The following RESF1 variants were observed in gnomAD, a reference collection of about 807,000 sequenced individuals.
The protein encoded by RESF1 is gonad expressed transcript.
In RESF1, 65 loss-of-function variants were observed where a neutral mutation model predicts 134.7. The ratio of observed to expected loss-of-function variants is 0.48; its 90% CI spans 0.40 to 0.59. The LOEUF (loss-of-function observed/expected upper bound fraction) is 0.59. Ranked by LOEUF, RESF1 falls within the 20% of genes least tolerant of loss-of-function variation. RESF1 has a pLI of 0.00. For synonymous variants in RESF1, 762 were observed against 702.2 expected (o/e 1.09, Z -1.35); for missense variants, 2,274 against 2,002.7 (o/e 1.14, Z -2.59).
At chr12:31,988,239 T>C (rs11051719) in intron 5 of RESF1, among the ~76,000 whole-genome samples, 25,837 of 152,142 alleles carry the variant, frequency 0.17, 2,427 homozygotes, top group Middle Eastern at 0.26. Context: ...GTCCCCTCTT[T>C]TCAAAGTCCA....
chr12:31,987,610 T>G (rs1375560910), intron 5 of RESF1, among the ~76,000 whole-genome samples: 2 of 152,148 alleles, frequency 1.3e-5, no homozygotes, highest in Admixed American at 6.6e-5. Context: ...GCAAATACTT[T>G]AGGTTTTCTG....
At position 31,980,021 on chromosome 12, in the gene RESF1, G is replaced by A. The variant is rs981236179; in HGVS notation, c.-78-857G>A. Among the ~76,000 whole-genome samples, 10 of 151,708 alleles carry A rather than the reference G, an allele frequency of 6.6e-5. 3 individuals carry two copies. Among genetic ancestry groups the A allele is most frequent in the East Asian group, 1.9e-4 (1 of 5,164 alleles). ...CACTTTAAGTCACCTTAGTAGCATA[G>A]ACTCAGGTATGTGCATACAGAGTTC... On this transcript the variant is annotated intron_variant, in intron 3 of 5. Transcript: ENST00000312561.
chr12:31,971,017 T>C (rs766071713), intron 3 of RESF1, among the ~76,000 whole-genome samples: 9 of 152,240 alleles, frequency 5.9e-5, no homozygotes. Flanking sequence ...ACCTTCGTTT[T>C]AGACAACAGT....
At chr12:31,979,124 GTTA>G (rs1185379603) in intron 3 of RESF1, among the ~76,000 whole-genome samples, 2 of 151,972 alleles carry the variant, frequency 1.3e-5, no homozygotes, top group Non-Finnish European at 1.5e-5. Flanking sequence ...GTTTCACTGT[GTTA>G]GCCAGGATGG....
At position 31,985,369 on chromosome 12, in the gene RESF1, G is replaced by A. The variant is rs764771344; in HGVS notation, c.4414G>A (p.Val1472Met). 131 of 1,606,632 alleles carry A rather than the reference G, an allele frequency of 8.2e-5. No homozygotes were observed. The highest frequency in any genetic ancestry group is 1.0e-4 in the Non-Finnish European group (122 of 1,178,334). ...ATCGAAGAAAATCTGTGTGAAAAAC[G>A]TGCCATGTGATTCTGAACATATGAG... ...KASKKICVKN[V>M]PCDSEHMRPS... is the part of the protein sequence containing the mutation. The change falls in exon 4 of 6, where the codon GTG becomes ATG. Residue 1472 changes from valine (V) to methionine (M), a missense_variant. Transcript: ENST00000312561.
chr12:31,987,610 T>C (rs1375560910), intron 5 of RESF1, among the ~76,000 whole-genome samples: 1 of 152,148 alleles, frequency 6.6e-6, no homozygotes. Context: ...GCAAATACTT[T>C]AGGTTTTCTG....
chr12:31,963,357 A>G (rs951280606), intron 2 of RESF1, among the ~76,000 whole-genome samples: 1 of 151,996 alleles, frequency 6.6e-6, no homozygotes, highest in African/African-American at 2.4e-5. Flanking sequence ...AAAAAAAAAA[A>G]AGTTCATGGA....
At position 31,987,248 on chromosome 12, in the gene RESF1, T is replaced by TA; in HGVS notation, c.5017dup (p.Ser1673LysfsTer25). On this transcript the variant is annotated frameshift_variant, in exon 5 of 6. Transcript: ENST00000312561. LOFTEE classifies it high-confidence loss of function. Reference sequence around the variant, plus strand: ...ATGAATATTTAAATAGTTTCAGGAATAAAAAGTACAAAAGAAGACTGGTTA... The same window carrying TA: ...ATGAATATTTAAATAGTTTCAGGAATAAAAAAGTACAAAAGAAGACTGGTTA... 6.4e-7 allele frequency: 1 copy of TA among 1,560,816 alleles called. No individual in the cohort carries two copies. Among genetic ancestry groups the TA allele is most frequent in the Non-Finnish European group, 8.8e-7 (1 of 1,133,100 alleles).
At chr12:31,970,661 A>G (rs1939486266) in intron 3 of RESF1, among the ~76,000 whole-genome samples, 1 of 152,248 alleles carries the variant, frequency 6.6e-6, no homozygotes. Flanking sequence ...AGAATCTTAC[A>G]CATTCCTCAA....
chr12:31,986,463 G>C (rs1939973498), intron 4 of RESF1, among the ~76,000 whole-genome samples: 1 of 152,188 alleles, frequency 6.6e-6, no homozygotes, highest in Non-Finnish European at 1.5e-5. Flanking sequence ...TGAAACAGTT[G>C]ATGGCTGTGT....
chr12:31,976,038 C>T (rs1301014246), intron 3 of RESF1, among the ~76,000 whole-genome samples: 2 of 152,154 alleles, frequency 1.3e-5, no homozygotes, highest in African/African-American at 4.8e-5. Context: ...ATGATATACT[C>T]CTATCACCAT....
intron 3 of RESF1, among the ~76,000 whole-genome samples, chr12:31,973,689 AC>A (rs111953859): frequency 1.3e-5 from 2 of 151,272 alleles, no homozygotes; most frequent in African/African-American, 4.9e-5. Context: ...AAAAAAAAAA[AC>A]CAAATTAACA....
At chr12:31,960,118 C>G (rs889977565) in intron 1 of RESF1, among the ~76,000 whole-genome samples, 2 of 152,102 alleles carry the variant, frequency 1.3e-5, no homozygotes, top group African/African-American at 4.8e-5. Flanking sequence ...AGCAATAGTT[C>G]CTTGAGGCAT....
rs1939893658 is a variant in RESF1 at position 31,984,212 on chromosome 12, A to G, written c.3257A>G (p.Glu1086Gly). Residue 1086 changes from glutamate (E) to glycine (G), a missense_variant, in exon 4 of 6, where the codon GAA becomes GGA. Coordinates refer to ENST00000312561, the MANE Select transcript of RESF1 (RefSeq NM_018169.4). ...CAGCAAACTACATACCAGACCTCAG[A>G]AGATCAAACTGCTGATAAAACCAGT... Reference protein sequence around the residue: ...VGQQTTYQTSEDQTADKTSSD... With the variant: ...VGQQTTYQTSGDQTADKTSSD... 8 of 1,613,918 alleles carry G rather than the reference A, an allele frequency of 5.0e-6. No individual in the cohort carries two copies. Among genetic ancestry groups the G allele is most frequent in the Admixed American group, 1.7e-5 (1 of 59,970 alleles).
chr12:31,969,097 C>T (rs951259650), intron 2 of RESF1, among the ~76,000 whole-genome samples: 17 of 152,170 alleles, frequency 1.1e-4, no homozygotes, highest in African/African-American at 3.1e-4. Flanking sequence ...TGTACCACCA[C>T]GCCTAGCTAG....
At chr12:31,970,892 C>G (rs897761737) in intron 3 of RESF1, among the ~76,000 whole-genome samples, 4 of 151,910 alleles carry the variant, frequency 2.6e-5, no homozygotes, top group African/African-American at 9.7e-5. Flanking sequence ...CATATAAAAG[C>G]CTTCCAACTT....
intron 3 of RESF1, among the ~76,000 whole-genome samples, chr12:31,972,920 T>C (rs909884411): frequency 6.6e-6 from 1 of 152,214 alleles, no homozygotes; most frequent in African/African-American, 2.4e-5. Flanking sequence ...TCCTTTCTTA[T>C]TCCTTAGTGG....
chr12:31,981,692 A>G lies in RESF1; in HGVS notation c.737A>G (p.Asn246Ser), dbSNP rs1441277180. 4 of 1,613,748 alleles carry G rather than the reference A, an allele frequency of 2.5e-6. No individual in the cohort carries two copies. Among genetic ancestry groups the G allele is most frequent in the Non-Finnish European group, 3.4e-6 (4 of 1,180,024 alleles). Residue 246 changes from asparagine to serine, a missense_variant, in exon 4 of 6, where the codon AAT becomes AGT. Transcript: ENST00000312561. ...CCACATACATCATTGCAAGTTAAAA[A>G]TAGTCAGCTTCTAAATTCTGTATTA... ...FIPHTSLQVK[N>S]SQLLNSVLTL...
intron 3 of RESF1, among the ~76,000 whole-genome samples, chr12:31,974,730 G>C (rs964536961): frequency 6.6e-6 from 1 of 152,078 alleles, no homozygotes; most frequent in Non-Finnish European, 1.5e-5. Flanking sequence ...CCAAGTTGAC[G>C]TAAAAGCCAG....
Sources: allele counts gnomAD v4.1 joint callset (sites outside exome capture counted in the v4.1 genomes callset), GRCh38; gene constraint gnomAD v4.1.1; transcripts MANE v1.5; gene names NCBI Gene and HGNC (gene_info 2026-07-23, HGNC 2026-07-21).